Variants in CDK6 observed in about 807,000 individuals in gnomAD.
CDK6 encodes cyclin dependent kinase 6, also known as cyclin-dependent kinase 6.
Under a neutral mutation model 37.1 loss-of-function variants are expected in CDK6, and 6 were observed. The ratio of observed to expected loss-of-function variants is 0.16; its 90% CI spans 0.09 to 0.32. CDK6 has a LOEUF of 0.32. CDK6 is among the 10% of genes least tolerant of loss of function. The pLI is 1.00. For synonymous variants in CDK6, 160 were observed against 161.3 expected (o/e 0.99, Z 0.06); for missense variants, 224 against 418.9 (o/e 0.53, Z 4.06).
rs150471962 is a variant in CDK6, at chr7:92,646,615, C to T, written c.648-23529G>A. On this transcript the variant is annotated intron_variant, in intron 5 of 7. Transcript: ENST00000424848. ...GTTTCACCATGTTGGCCAGGCTGGT[C>T]TTAAACTCCCAATTTCAGGTAATCT... is the stretch of plus-strand genomic sequence containing the variant. Among the ~76,000 whole-genome samples, 777 of 152,008 alleles carry T rather than the reference C, an allele frequency of 5.1e-3. 10 individuals carry two copies. The highest frequency in any genetic ancestry group is 0.018 in the African/African-American group (756 of 41,436).
At chr7:92,741,123 GTC>G (rs1162417361) in intron 3 of CDK6, among the ~76,000 whole-genome samples, 13 of 152,200 alleles carry the variant, frequency 8.5e-5, no homozygotes, top group Admixed American at 5.9e-4. Flanking sequence ...ACGATGATGT[GTC>G]TCTCTGTATA....
chr7:92,624,208 C>T (rs1470130079), intron 5 of CDK6, among the ~76,000 whole-genome samples: 2 of 152,112 alleles, frequency 1.3e-5, no homozygotes, highest in East Asian at 3.8e-4. Context: ...AAAGAATTTA[C>T]TTATTGCAAG....
At chr7:92,653,380 T>TAG (rs1212990508) in intron 5 of CDK6, among the ~76,000 whole-genome samples, 3 of 152,344 alleles carry the variant, frequency 2.0e-5, no homozygotes, top group East Asian at 3.9e-4. Flanking sequence ...AACGTACTCT[T>TAG]TATCTGAGTA....
At chr7:92,675,420 T>G (rs1423576270) in intron 4 of CDK6, among the ~76,000 whole-genome samples, 1 of 152,218 alleles carries the variant, frequency 6.6e-6, no homozygotes, top group African/African-American at 2.4e-5. Context: ...ATTAGTTACA[T>G]TAACAGATTT....
intron 2 of CDK6, among the ~76,000 whole-genome samples, chr7:92,811,599 C>T (rs773934519): frequency 2.0e-5 from 3 of 151,740 alleles, no homozygotes; most frequent in Admixed American, 6.6e-5. Context: ...TGAACAGCTC[C>T]TATGTCCGTA....
At chr7:92,777,158 G>A (rs1294218707) in intron 2 of CDK6, among the ~76,000 whole-genome samples, 1 of 152,092 alleles carries the variant, frequency 6.6e-6, no homozygotes, top group Non-Finnish European at 1.5e-5. Context: ...ATTAAATAGG[G>A]TATCATTTCC....
intron 2 of CDK6, among the ~76,000 whole-genome samples, chr7:92,823,319 C>G (rs1801221977): frequency 6.6e-6 from 1 of 151,702 alleles, no homozygotes; most frequent in Non-Finnish European, 1.5e-5. Context: ...AGCTGAGAAC[C>G]AAGTGGCATC....
At chr7:92,702,557 A>C (rs888285174) in intron 4 of CDK6, among the ~76,000 whole-genome samples, 1 of 152,160 alleles carries the variant, frequency 6.6e-6, no homozygotes, top group African/African-American at 2.4e-5. Flanking sequence ...TTATTATGAA[A>C]AAACTTCCAT....
chr7:92,745,081 G>A (rs527830599), intron 3 of CDK6, among the ~76,000 whole-genome samples: 20 of 152,030 alleles, frequency 1.3e-4, no homozygotes, highest in African/African-American at 4.8e-4. Flanking sequence ...CCATTTTATC[G>A]AATCTAAATC....
intron 2 of CDK6, among the ~76,000 whole-genome samples, chr7:92,788,747 G>C (rs1186210676): frequency 6.6e-6 from 1 of 152,120 alleles, no homozygotes; most frequent in Non-Finnish European, 1.5e-5. Flanking sequence ...CACACACAAG[G>C]GATCTGCAAT....
intron 2 of CDK6, among the ~76,000 whole-genome samples, chr7:92,817,517 C>T (rs1562974054): frequency 6.6e-6 from 1 of 151,746 alleles, no homozygotes; most frequent in Non-Finnish European, 1.5e-5. Flanking sequence ...ATAAAGGACA[C>T]CTAGGAAAAC....
chr7:92,742,682 C>CTT (rs138117373), intron 3 of CDK6, among the ~76,000 whole-genome samples: 5 of 151,440 alleles, frequency 3.3e-5, no homozygotes, highest in Admixed American at 2.0e-4. Flanking sequence ...TTTGTAAACT[C>CTT]TTTTTTTTCT....
At chr7:92,703,226 C>T (rs1246899025) in intron 4 of CDK6, among the ~76,000 whole-genome samples, 2 of 151,806 alleles carry the variant, frequency 1.3e-5, no homozygotes, top group Admixed American at 6.6e-5. Flanking sequence ...AATAGCTCAC[C>T]TCCACAATTA....
Position 92,725,259 on chromosome 7 carries a change from A to G in CDK6, c.537+367T>C, listed in dbSNP as rs1028436431. 8 of 985,284 alleles carry G rather than the reference A, an allele frequency of 8.1e-6. No individual in the cohort carries two copies. The African/African-American group carries it at 1.2e-4, about 15-fold the overall frequency. The allele number at this position is 985,284 out of a possible 1,614,324, so 61.0% of individuals were successfully genotyped here. On this transcript the variant is annotated intron_variant, in intron 4 of 7. Coordinates refer to ENST00000424848, the MANE Select transcript of CDK6 (RefSeq NM_001145306.2). ...AAACCATGATGCTGCAGACAGGTCAACGTTGCTCGTGCTCTTTCTTCCCTG... is the reference window on the plus strand; with the variant it reads ...AAACCATGATGCTGCAGACAGGTCAGCGTTGCTCGTGCTCTTTCTTCCCTG...
At chr7:92,688,609 A>T (rs1797523781) in intron 4 of CDK6, among the ~76,000 whole-genome samples, 1 of 151,428 alleles carries the variant, frequency 6.6e-6, no homozygotes, top group African/African-American at 2.4e-5. Flanking sequence ...ACACACACAC[A>T]CACACACACA....
chr7:92,665,267 T>TCATCCATCCATC (rs3831549), intron 5 of CDK6, among the ~76,000 whole-genome samples: 42 of 150,942 alleles, frequency 2.8e-4, no homozygotes, highest in East Asian at 2.8e-3. Context: ...AACCATCCAA[T>TCATCCATCCATC]CATCCATCCA....
intron 3 of CDK6, among the ~76,000 whole-genome samples, chr7:92,770,543 T>C (rs1799687265): frequency 6.6e-6 from 1 of 152,146 alleles, no homozygotes; most frequent in Non-Finnish European, 1.5e-5. Context: ...TTATGGCTTA[T>C]GGTGTGGTTT....
At chr7:92,794,338 A>C (rs542964064) in intron 2 of CDK6, among the ~76,000 whole-genome samples, 1 of 152,238 alleles carries the variant, frequency 6.6e-6, no homozygotes, top group African/African-American at 2.4e-5. Context: ...CAGCATCCTA[A>C]AGACTGTAAA....
intron 5 of CDK6, among the ~76,000 whole-genome samples, chr7:92,652,255 C>T (rs1363905207): frequency 1.3e-5 from 2 of 152,208 alleles, no homozygotes; most frequent in Admixed American, 1.3e-4. Context: ...TTTGCCTTTG[C>T]ATCACTTTCT....
Sources: allele counts gnomAD v4.1 joint callset (sites outside exome capture counted in the v4.1 genomes callset), GRCh38; gene constraint gnomAD v4.1.1; transcripts MANE v1.5; gene names NCBI Gene and HGNC (gene_info 2026-07-23, HGNC 2026-07-21).